The following MACROD2 variants were observed in gnomAD, a reference collection of about 807,000 sequenced individuals.
MACROD2 encodes ADP-ribose glycohydrolase MACROD2.
A neutral mutation model predicts 70.4 loss-of-function variants in MACROD2; 36 were observed. That is an observed-to-expected ratio of 0.51 (90% CI 0.39 to 0.68). The LOEUF is 0.68. Ranked by LOEUF, MACROD2 falls within the 30% of genes least tolerant of loss-of-function variation. MACROD2 has a pLI of 0.00. For missense variants in MACROD2, 496 were observed against 538.4 expected (o/e 0.92, Z 0.78); for synonymous variants, 172 against 178.8 (o/e 0.96, Z 0.30).
intron 4 of MACROD2, among the ~76,000 whole-genome samples, chr20:14,668,398 A>ATT (rs1207430768): frequency 6.6e-6 from 1 of 152,044 alleles, no homozygotes; most frequent in Non-Finnish European, 1.5e-5. Flanking sequence ...CTGTAAATGT[A>ATT]TTTTTCTTTG....
intron 15 of MACROD2, among the ~76,000 whole-genome samples, chr20:16,011,497 A>C (rs142091372): frequency 2.2e-4 from 33 of 152,360 alleles, no homozygotes; most frequent in Non-Finnish European, 3.7e-4. Context: ...AAGTCCTGCC[A>C]GGAGCAGATG....
intron 6 of MACROD2, among the ~76,000 whole-genome samples, chr20:15,324,406 G>A (rs534056630): frequency 6.0e-4 from 91 of 152,216 alleles, no homozygotes; most frequent in African/African-American, 2.1e-3. Context: ...CCCCAATTCA[G>A]TAATTTTGCT....
intron 8 of MACROD2, among the ~76,000 whole-genome samples, chr20:15,597,682 C>T (rs2048763866): frequency 1.3e-5 from 2 of 152,218 alleles, no homozygotes; most frequent in Admixed American, 6.5e-5. Context: ...CTTCAAAGAT[C>T]AGCTTGGCCC....
intron 6 of MACROD2, among the ~76,000 whole-genome samples, chr20:15,414,848 C>T (rs748074767): frequency 1.3e-5 from 2 of 152,224 alleles, no homozygotes; most frequent in Non-Finnish European, 2.9e-5. Flanking sequence ...ATTAGCATCA[C>T]CTGGGACCCT....
intron 15 of MACROD2, among the ~76,000 whole-genome samples, chr20:15,992,689 A>G (rs185200968): frequency 1.3e-5 from 2 of 152,272 alleles, no homozygotes; most frequent in Admixed American, 6.5e-5. Flanking sequence ...CTAACACTCC[A>G]GTTTCATTTA....
intron 8 of MACROD2, among the ~76,000 whole-genome samples, chr20:15,719,860 C>T (rs1189631922): frequency 6.6e-6 from 1 of 152,124 alleles, no homozygotes; most frequent in African/African-American, 2.4e-5. Flanking sequence ...TTAATTACTA[C>T]AGTCACTCTA....
chr20:15,251,643 C>G (rs1387943695), intron 6 of MACROD2, among the ~76,000 whole-genome samples: 1 of 152,044 alleles, frequency 6.6e-6, no homozygotes, highest in East Asian at 1.9e-4. Context: ...ATTTATTTCC[C>G]TTTTGCCTTT....
intron 10 of MACROD2, among the ~76,000 whole-genome samples, chr20:15,916,519 A>G (rs767639922): frequency 1.3e-5 from 2 of 152,182 alleles, no homozygotes; most frequent in African/African-American, 2.4e-5. Context: ...TTGTGGGCAT[A>G]TTTTTAAAAC....
At chr20:15,774,321 C>T (rs140515649) in intron 8 of MACROD2, among the ~76,000 whole-genome samples, 148 of 152,250 alleles carry the variant, frequency 9.7e-4, no homozygotes, top group African/African-American at 3.3e-3. Flanking sequence ...TCAAAATGCT[C>T]CCCTGTAGTG....
At chr20:15,994,282 G>A in intron 15 of MACROD2, among the ~76,000 whole-genome samples, 1 of 152,048 alleles carries the variant, frequency 6.6e-6, no homozygotes, top group East Asian at 1.9e-4. Context: ...GTACTTCTAA[G>A]ATGCCTCAGT....
At chr20:15,710,478 T>A (rs1347404609) in intron 8 of MACROD2, among the ~76,000 whole-genome samples, 1 of 149,426 alleles carries the variant, frequency 6.7e-6, no homozygotes, top group African/African-American at 2.6e-5. Flanking sequence ...AAACTTTATC[T>A]ACGGCATTTT....
chr20:15,241,601 G>A (rs959564598), intron 6 of MACROD2, among the ~76,000 whole-genome samples: 22 of 152,046 alleles, frequency 1.4e-4, no homozygotes, highest in African/African-American at 5.1e-4. Context: ...TGAAGATCAT[G>A]TTTTATTGGG....
chr20:15,903,999 C>T (rs192832777), intron 10 of MACROD2, among the ~76,000 whole-genome samples: 6 of 152,248 alleles, frequency 3.9e-5, no homozygotes, highest in South Asian at 2.1e-4. Context: ...TCATTCTCTC[C>T]GCCACTACTG....
chr20:15,487,545 G>A lies in MACROD2; in HGVS notation c.572-12229G>A, dbSNP rs114009820. 5.9e-3 allele frequency among the ~76,000 whole-genome samples: 897 copies of A among 152,242 alleles called. 11 individuals carry two copies. The highest frequency in any genetic ancestry group is 0.021 in the African/African-American group (857 of 41,536). On this transcript the variant is annotated intron_variant, in intron 7 of 17. Coordinates refer to ENST00000684519, the MANE Select transcript of MACROD2 (RefSeq NM_001351661.2). ...TGTCTCAATCAGCAATAGTGTGGCT[G>A]CCATTGTATACCCTATCTAAACCAT...
At chr20:15,102,537 G>C (rs1248079262) in intron 5 of MACROD2, among the ~76,000 whole-genome samples, 1 of 151,960 alleles carries the variant, frequency 6.6e-6, no homozygotes, top group African/African-American at 2.4e-5. Context: ...ATTTTTAATT[G>C]AGTAGAATAG....
rs377531833 is a variant in MACROD2 at position 16,027,642 on chromosome 20, C to T, written c.1154-13559C>T. ...AGAACCATTGAAAAGACAGAAGTTG[C>T]CCCCACTGTGGCTCCTTACATAGTT... is the stretch of plus-strand genomic sequence containing the variant. On this transcript the variant is annotated intron_variant, in intron 15 of 17. Coordinates refer to ENST00000684519, the MANE Select transcript of MACROD2 (RefSeq NM_001351661.2). Among the ~76,000 whole-genome samples, 3 of 152,118 alleles carry T rather than the reference C, an allele frequency of 2.0e-5. No individual in the cohort carries two copies. In the South Asian group the frequency reaches 6.2e-4, roughly 32 times the overall value.
chr20:15,419,323 T>C (rs1023640264), intron 6 of MACROD2, among the ~76,000 whole-genome samples: 2 of 152,116 alleles, frequency 1.3e-5, no homozygotes, highest in Non-Finnish European at 2.9e-5. Flanking sequence ...ATTCCCGAGC[T>C]CTATGTGCAC....
At chr20:15,028,217 T>G (rs1388912273) in intron 5 of MACROD2, among the ~76,000 whole-genome samples, 2 of 152,186 alleles carry the variant, frequency 1.3e-5, no homozygotes, top group African/African-American at 2.4e-5. Flanking sequence ...GATAGAGAAT[T>G]CTGGGGGCCT....
chr20:14,976,878 G>T (rs1156264089), intron 5 of MACROD2, among the ~76,000 whole-genome samples: 1 of 152,084 alleles, frequency 6.6e-6, no homozygotes, highest in African/African-American at 2.4e-5. Flanking sequence ...ACAATGCGGG[G>T]CTCTTACTGA....
Sources: gnomAD v4.1 joint callset for allele counts (sites outside exome capture counted in the v4.1 genomes callset) on GRCh38, gnomAD v4.1.1 for gene constraint, MANE v1.5 for transcripts, NCBI Gene and HGNC (gene_info 2026-07-23, HGNC 2026-07-21) for gene names.